The following THOC2 variants were observed in gnomAD, a reference collection of about 807,000 sequenced individuals.
THOC2 encodes THO complex 2.
In THOC2, 10 loss-of-function variants were observed where a neutral mutation model predicts 128.4. That is an observed-to-expected ratio of 0.08 (90% CI 0.05 to 0.13). THOC2 has a LOEUF of 0.13. Ranked by LOEUF, THOC2 falls within the 10% of genes least tolerant of loss-of-function variation. THOC2 has a pLI of 1.00. For missense variants in THOC2, 535 were observed against 1,155.7 expected (o/e 0.46, Z 7.79); for synonymous variants, 393 against 396.9 (o/e 0.99, Z 0.12).
intron 2 of THOC2, 61 bp downstream of exon 2, chrX:123,712,789 A>G: frequency 1.3e-6 from 1 of 777,343 alleles, no homozygotes; most frequent in East Asian, 3.2e-5. Context: ...AACAATGAAT[A>G]GAAAGCAGAC....
At chrX:123,644,536 T>A (rs1467995682) in intron 15 of THOC2, 39 bp downstream of exon 15, 2 of 985,404 alleles carry the variant, frequency 2.0e-6, no homozygotes, top group Non-Finnish European at 2.8e-6. Flanking sequence ...TAGATTCAGA[T>A]ATAATTTAGA....
At chrX:123,605,122 C>T (rs2046419518) in intron 38 of THOC2, among the ~76,000 whole-genome samples, 2 of 111,751 alleles carry the variant, frequency 1.8e-5, no homozygotes. Context: ...TAAAATGTAA[C>T]AGAGTTAAGA....
In THOC2 at chrX:123,644,832, A is replaced by C. The variant is rs1603264870; in HGVS notation, c.1506T>G (p.Ala502=). The C allele has an allele frequency of 8.3e-7, 1 of 1,203,987 alleles. No individual in the cohort carries two copies. The highest frequency in any genetic ancestry group is 3.0e-5 in the East Asian group (1 of 33,762). The change falls in exon 14 of 39, where the codon GCT becomes GCG. Residue 502 remains alanine, a synonymous_variant. Transcript: ENST00000245838. ...LPSLSLMDCN[A]CMSEELWGMF... ...TTCCCCATAGTTCCTCAGACATACA[A>C]GCATTGCAGTCCATCAAAGAAAGAG...
intron 8 of THOC2, among the ~76,000 whole-genome samples, chrX:123,674,616 T>C (rs1036534812): frequency 6.2e-4 from 69 of 111,769 alleles, no homozygotes; most frequent in Non-Finnish European, 9.6e-4. Flanking sequence ...TTTTCTGTCA[T>C]ATTTTTGTTC....
chrX:123,704,735 G>A (rs1419725840), intron 3 of THOC2, among the ~76,000 whole-genome samples: 1 of 111,472 alleles, frequency 9.0e-6, no homozygotes, highest in African/African-American at 3.3e-5. Context: ...GCATGCGCCT[G>A]TAATCCCAGC....
rs750662278 is a variant in THOC2 at position 123,653,143 on chromosome X, G to A, written c.1387-7768C>T. On this transcript the variant is annotated intron_variant, in intron 12 of 38. Coordinates refer to ENST00000245838, the MANE Select transcript of THOC2 (RefSeq NM_001081550.2). ...ACACATCTACAACTATCTGATCTTT[G>A]ACAAACCTGACAAAAACAAGCAATG... Among the ~76,000 whole-genome samples the A allele has an allele frequency of 3.6e-5, 4 of 111,621 alleles. No individual in the cohort carries two copies. The East Asian group carries it at 1.1e-3, about 31-fold the overall frequency.
intron 12 of THOC2, among the ~76,000 whole-genome samples, chrX:123,645,622 C>T (rs1199249242): frequency 8.9e-6 from 1 of 112,226 alleles, no homozygotes; most frequent in Non-Finnish European, 1.9e-5. Context: ...TTTTCTCAAC[C>T]TATCAAACCA....
intron 24 of THOC2, 26 bp downstream of exon 24, chrX:123,626,495 G>A (rs1490610224): frequency 8.6e-7 from 1 of 1,164,687 alleles, no homozygotes; most frequent in South Asian, 2.0e-5. Context: ...ACCAGCATCA[G>A]GAACCTAACA....
chrX:123,653,619 C>G (rs2048449249), intron 12 of THOC2, among the ~76,000 whole-genome samples: 1 of 111,070 alleles, frequency 9.0e-6, no homozygotes, highest in African/African-American at 3.3e-5. Flanking sequence ...TGAACAGACA[C>G]TTCTCAAAAG....
chrX:123,607,218 C>T (rs1014659303), intron 38 of THOC2, among the ~76,000 whole-genome samples: 14 of 110,668 alleles, frequency 1.3e-4, no homozygotes, highest in South Asian at 3.9e-4. Context: ...AAACAGAAGA[C>T]GAGAAAAGAT....
chrX:123,680,717 C>A (rs2049737057), intron 8 of THOC2, among the ~76,000 whole-genome samples: 1 of 111,127 alleles, frequency 9.0e-6, no homozygotes, highest in Non-Finnish European at 1.9e-5. Context: ...AATTCTCCCT[C>A]CCAACACTCC....
In THOC2 at chrX:123,662,313, G is replaced by A. The variant is rs183256415; in HGVS notation, c.1386+3329C>T. ...CATAAAAGAAAAATACTGGCCAGGCGCGGTGGCTCATGCCTGTAATCCCAG... is the reference window on the plus strand; with the variant it reads ...CATAAAAGAAAAATACTGGCCAGGCACGGTGGCTCATGCCTGTAATCCCAG... On this transcript the variant is annotated intron_variant, in intron 12 of 38. Coordinates refer to ENST00000245838, the MANE Select transcript of THOC2 (RefSeq NM_001081550.2). 7.3e-3 allele frequency among the ~76,000 whole-genome samples: 810 copies of A among 110,997 alleles called. 6 individuals carry two copies. The highest frequency in any genetic ancestry group is 0.025 in the African/African-American group (748 of 30,519).
chrX:123,648,676 C>T (rs777616061), intron 12 of THOC2, among the ~76,000 whole-genome samples: 1 of 107,565 alleles, frequency 9.3e-6, no homozygotes, highest in African/African-American at 3.4e-5. Context: ...GTTTTCCCCT[C>T]ACAGTGTAAA....
At chrX:123,639,397 C>T (rs760965721) in intron 16 of THOC2, among the ~76,000 whole-genome samples, 2 of 111,683 alleles carry the variant, frequency 1.8e-5, no homozygotes, top group South Asian at 7.5e-4. Flanking sequence ...GAATGTCTTT[C>T]CATTTGCTTG....
intron 12 of THOC2, among the ~76,000 whole-genome samples, chrX:123,658,003 G>C (rs1213723810): frequency 1.1e-5 from 1 of 93,290 alleles, no homozygotes; most frequent in Non-Finnish European, 2.1e-5. Flanking sequence ...GTGTGTGTGT[G>C]TGTATAAGCA....
chrX:123,721,152 T>C (rs1358307536), intron 1 of THOC2, among the ~76,000 whole-genome samples: 1 of 110,179 alleles, frequency 9.1e-6, no homozygotes, highest in Admixed American at 9.7e-5. Flanking sequence ...TTGGGGTTTT[T>C]TTGTTGTTGC....
chrX:123,616,100 C>G lies in THOC2; in HGVS notation c.4312-1911G>C, dbSNP rs184726227. On this transcript the variant is annotated intron_variant, in intron 33 of 38. Coordinates refer to ENST00000245838, the MANE Select transcript of THOC2 (RefSeq NM_001081550.2). ...TGGTTGTTCATTTTTATCTTAACTT[C>G]TTAAAATCCTACTTAGCCTTCAAAG... Among the ~76,000 whole-genome samples the G allele has an allele frequency of 1.1e-3, 122 of 111,214 alleles. 1 individual carries two copies. The highest frequency in any genetic ancestry group is 2.0e-3 in the Non-Finnish European group (105 of 52,589).
chrX:123,636,524 T>A (rs2047678823), intron 18 of THOC2, among the ~76,000 whole-genome samples: 1 of 111,749 alleles, frequency 8.9e-6, no homozygotes, highest in Non-Finnish European at 1.9e-5. Flanking sequence ...ATTCCAGAGT[T>A]TGTGAAACTA....
intron 12 of THOC2, among the ~76,000 whole-genome samples, chrX:123,660,508 G>A (rs1451398040): frequency 8.9e-6 from 1 of 111,801 alleles, no homozygotes; most frequent in East Asian, 2.8e-4. Context: ...AATAGTAACT[G>A]TATAGTGGAG....
Sources: allele counts gnomAD v4.1 joint callset (sites outside exome capture counted in the v4.1 genomes callset), GRCh38; gene constraint gnomAD v4.1.1; transcripts MANE v1.5; gene names NCBI Gene and HGNC (gene_info 2026-07-23, HGNC 2026-07-21).